Variants in CNOT6L observed in about 807,000 individuals in gnomAD.
CNOT6L encodes the protein CCR4-NOT transcription complex subunit 6 like.
Under a neutral mutation model 64.0 loss-of-function variants are expected in CNOT6L, and 7 were observed. The observed-to-expected ratio is 0.11, with a 90% CI of 0.06 to 0.21. The LOEUF is 0.21. Ranked by LOEUF, CNOT6L falls within the 10% of genes least tolerant of loss-of-function variation. The pLI is 1.00. For synonymous variants in CNOT6L, 193 were observed against 243.4 expected, an observed-to-expected ratio of 0.79 and a Z score of 1.93; for missense variants, 245 against 669.0, an observed-to-expected ratio of 0.37 and a Z score of 6.99.
At chr4:77,782,706 C>T (rs1729001958) in intron 1 of CNOT6L, among the ~76,000 whole-genome samples, 2 of 150,592 alleles carry the variant, frequency 1.3e-5, no homozygotes, top group South Asian at 4.2e-4. Flanking sequence ...CCTCAAACTC[C>T]TGGGCTCAAG....
At position 77,719,271 on chromosome 4, in the gene CNOT6L, T is replaced by C. The variant is rs1400954771; in HGVS notation, c.*1160A>G. On this transcript the variant is annotated 3_prime_UTR_variant, in exon 12 of 12. Transcript: ENST00000504123. Reference sequence around the variant, plus strand: ...AACCAGTAGCTTCTTAATTCAACCCTGACAGACAACTGAAACAAAGATTAA... The same window carrying C: ...AACCAGTAGCTTCTTAATTCAACCCCGACAGACAACTGAAACAAAGATTAA... The C allele has an allele frequency of 6.6e-6, 1 of 152,592 alleles. No individual in the cohort carries two copies. Among genetic ancestry groups the C allele is most frequent in the Non-Finnish European group, 1.5e-5 (1 of 68,012 alleles). 9.5% of individuals were successfully genotyped at this position (152,592 alleles called of 1,614,324 possible).
At chr4:77,804,394 A>C (rs1578005255) in intron 1 of CNOT6L, among the ~76,000 whole-genome samples, 1 of 150,972 alleles carries the variant, frequency 6.6e-6, no homozygotes, top group Non-Finnish European at 1.5e-5. Context: ...GTGCCACTGC[A>C]CTCCAGCCTG....
chr4:77,721,235 G>C (rs6533225), intron 11 of CNOT6L, among the ~76,000 whole-genome samples: 76,464 of 151,906 alleles, frequency 0.5, 19,623 homozygotes, highest in Admixed American at 0.55. Flanking sequence ...ACTGGAATAT[G>C]TGTAAATTCT....
intron 4 of CNOT6L, among the ~76,000 whole-genome samples, chr4:77,768,679 T>C (rs900396755): frequency 2.0e-5 from 3 of 151,530 alleles, no homozygotes; most frequent in Admixed American, 2.0e-4. Flanking sequence ...CAAATAAATA[T>C]AATAGCCAAC....
At position 77,714,438 on chromosome 4, in the gene CNOT6L, T is replaced by TAAA. The variant is rs201499481; in HGVS notation, c.*5990_*5992dup. 1.5e-5 allele frequency: 2 copies of TAAA among 134,688 alleles called. No homozygotes were observed. Among genetic ancestry groups the TAAA allele is most frequent in the African/African-American group, 5.9e-5 (2 of 33,706 alleles). 8.3% of individuals were successfully genotyped at this position (134,688 alleles called of 1,614,324 possible). A position where few individuals can be genotyped will look rare whatever the true frequency, so the allele number is the denominator to read the frequency against. On this transcript the variant is annotated 3_prime_UTR_variant, in exon 12 of 12. Coordinates refer to ENST00000504123, the MANE Select transcript of CNOT6L (RefSeq NM_144571.3). ...AGAAAAAGTACATACACACTCTCTT[T>TAAA]AAAAAAAAAAAAAAAAAAAAAAAAA...
upstream of CNOT6L, chr4:77,819,561 G>A (rs1334395131): frequency 1.9e-5 from 7 of 375,324 alleles, no homozygotes; most frequent in Non-Finnish European, 3.1e-5. Context: ...CGGGCCCGGG[G>A]TCTCGGGGGG....
At chr4:77,772,533 G>T (rs1250008813) in intron 4 of CNOT6L, among the ~76,000 whole-genome samples, 1 of 151,692 alleles carries the variant, frequency 6.6e-6, no homozygotes, top group Non-Finnish European at 1.5e-5. Context: ...AAAATTAAAG[G>T]TAAGATACAA....
At position 77,774,733 on chromosome 4, in the gene CNOT6L, T is replaced by C; in HGVS notation, c.128-17A>G. 1 of 1,502,470 alleles carries C rather than the reference T, an allele frequency of 6.7e-7. No homozygotes were observed. Among genetic ancestry groups the C allele is most frequent in the South Asian group, 1.3e-5 (1 of 75,440 alleles). 93.1% of individuals were successfully genotyped at this position (1,502,470 alleles called of 1,614,324 possible). ...GCACTCTACCTAAAAGGCAAAATAC[T>C]GAAGTGTAAAAAAAAACCCCAGGCC... is the stretch of plus-strand genomic sequence containing the variant. On this transcript the variant is annotated splice_polypyrimidine_tract_variant and intron_variant, in intron 2 of 11. Coordinates refer to ENST00000504123, the MANE Select transcript of CNOT6L (RefSeq NM_144571.3).
chr4:77,774,383 G>T, intron 3 of CNOT6L, 147 bp downstream of exon 3: 1 of 577,550 alleles, frequency 1.7e-6, no homozygotes, highest in Non-Finnish European at 2.9e-6. Context: ...AATGTTCAAC[G>T]GAGGCCAACT....
At chr4:77,783,150 C>A (rs201317575) in intron 1 of CNOT6L, among the ~76,000 whole-genome samples, 420 of 101,904 alleles carry the variant, frequency 4.1e-3, no homozygotes, top group South Asian at 7.2e-3. Flanking sequence ...TGTGACCACT[C>A]AAAAAAAAAA....
At chr4:77,780,228 T>A (rs1042496243) in intron 1 of CNOT6L, among the ~76,000 whole-genome samples, 19 of 152,314 alleles carry the variant, frequency 1.2e-4, no homozygotes, top group Admixed American at 9.2e-4. Context: ...GTGATTAACA[T>A]TTTTCATCCA....
chr4:77,773,341 A>C (rs1727803546), intron 3 of CNOT6L, among the ~76,000 whole-genome samples, 175 bp from the exon 4 acceptor site: 1 of 152,200 alleles, frequency 6.6e-6, no homozygotes, highest in Non-Finnish European at 1.5e-5. Context: ...AAAATGTGCA[A>C]TTGCCACAAC....
chr4:77,794,232 A>T (rs867948344), intron 1 of CNOT6L, among the ~76,000 whole-genome samples: 1 of 151,550 alleles, frequency 6.6e-6, no homozygotes, highest in South Asian at 2.1e-4. Context: ...GTAGTTCTCA[A>T]CCTTGGTTGG....
chr4:77,794,504 T>C (rs1198149746), intron 1 of CNOT6L, among the ~76,000 whole-genome samples: 5 of 152,102 alleles, frequency 3.3e-5, no homozygotes. Context: ...AAACCACCTA[T>C]TAAGAAACTT....
chr4:77,751,628 G>A (rs1001353389), intron 5 of CNOT6L, among the ~76,000 whole-genome samples: 3 of 152,000 alleles, frequency 2.0e-5, no homozygotes, highest in African/African-American at 7.2e-5. Context: ...ACTAAAGAAC[G>A]AACCTTAAAA....
intron 4 of CNOT6L, among the ~76,000 whole-genome samples, chr4:77,758,131 T>C (rs138380391): frequency 6.6e-6 from 1 of 152,308 alleles, no homozygotes; most frequent in African/African-American, 2.4e-5. Context: ...TCTAATTGAC[T>C]TGCAAGTGAG....
chr4:77,765,048 T>A (rs114440029), intron 4 of CNOT6L, among the ~76,000 whole-genome samples: 1,609 of 152,106 alleles, frequency 0.011, 31 homozygotes, highest in African/African-American at 0.037. Flanking sequence ...AAGATACAGG[T>A]CATAAAGACT....
chr4:77,767,979 C>T (rs916624637), intron 4 of CNOT6L, among the ~76,000 whole-genome samples: 1 of 96,672 alleles, frequency 1.0e-5, no homozygotes, highest in African/African-American at 3.5e-5. Flanking sequence ...GACTTTGTCC[C>T]CAAAAAAAAA....
chr4:77,770,845 C>A (rs906102593), intron 4 of CNOT6L, among the ~76,000 whole-genome samples: 3 of 152,146 alleles, frequency 2.0e-5, no homozygotes, highest in Non-Finnish European at 2.9e-5. Flanking sequence ...ACTAGAAAAA[C>A]TGAATGAAGG....
Sources: allele counts gnomAD v4.1 joint callset (sites outside exome capture counted in the v4.1 genomes callset), GRCh38; gene constraint gnomAD v4.1.1; transcripts MANE v1.5; gene names NCBI Gene and HGNC (gene_info 2026-07-23, HGNC 2026-07-21).